The following MZF1 variants were observed in gnomAD, a reference collection of about 807,000 sequenced individuals.
MZF1 encodes zinc finger and SCAN domain-containing protein 6.
MZF1 carries 24 observed loss-of-function variants against 28.6 expected under a neutral mutation model. The observed-to-expected ratio is 0.84, with a 90% CI of 0.61 to 1.18. The LOEUF is 1.18. Among genes scored for constraint, MZF1 ranks in the 50% most tolerant of loss-of-function variants. MZF1 has a pLI of 0.00. For synonymous variants in MZF1, 516 were observed against 432.5 expected (o/e 1.19, Z -2.40); for missense variants, 1,166 against 1,026.4 (o/e 1.14, Z -1.86).
chr19:58,562,819 C>A lies in MZF1; in HGVS notation c.1458G>T (p.Pro486=). ...CGAAGCTCTCGCGGCACTCGCTGCACGGAAAGGGGCCGGGAGGCTCGGGCG... is the reference window on the plus strand; with the variant it reads ...CGAAGCTCTCGCGGCACTCGCTGCAAGGAAAGGGGCCGGGAGGCTCGGGCG... ...PGAPEPPGPF[P]CSECRESFAR... Residue 486 remains proline, a synonymous_variant, in exon 6 of 6, where the codon CCG becomes CCT. Coordinates refer to ENST00000215057, the MANE Select transcript of MZF1 (RefSeq NM_198055.2). The A allele has an allele frequency of 6.5e-7, 1 of 1,535,488 alleles. No individual in the cohort carries two copies. Among genetic ancestry groups the A allele is most frequent in the African/African-American group, 1.4e-5 (1 of 73,068 alleles).
At chr19:58,563,663 C>T in intron 5 of MZF1, 159 bp from the exon 6 acceptor site, 1 of 601,884 alleles carries the variant, frequency 1.7e-6, no homozygotes, top group Non-Finnish European at 2.9e-6. Flanking sequence ...TCTGTACAGA[C>T]TTCCCTGATG....
Position 58,562,971 on chromosome 19 carries a change from C to T in MZF1, c.1306G>A (p.Gly436Ser). The change falls in exon 6 of 6, where the codon GGC becomes AGC. Residue 436 changes from glycine (G) to serine (S), a missense_variant. By Grantham distance (56) the Gly-to-Ser change is moderately conservative (BLOSUM62 0). Transcript: ENST00000215057. ...RLEEHRRVHTGEQPFRCAECG... is the reference protein window; with the variant it reads ...RLEEHRRVHTSEQPFRCAECG... ...TCAGCGCAACGGAAAGGCTGTTCGC[C>T]CGTGTGCACTCTCCGATGCTCTTCC... The T allele has an allele frequency of 3.7e-6, 6 of 1,601,670 alleles. No homozygotes were observed. The highest frequency in any genetic ancestry group is 3.3e-5 in the South Asian group (3 of 91,018).
chr19:58,565,327 C>A (rs942017924), intron 5 of MZF1, among the ~76,000 whole-genome samples: 1 of 148,040 alleles, frequency 6.8e-6, no homozygotes, highest in Non-Finnish European at 1.5e-5. Flanking sequence ...CTCCCGACCT[C>A]AGGTGATCTG....
At chr19:58,570,161 T>G in intron 3 of MZF1, 183 bp downstream of exon 3, 1 of 599,352 alleles carries the variant, frequency 1.7e-6, no homozygotes, top group South Asian at 2.2e-5. Flanking sequence ...GTGTGAGGGG[T>G]AGTGACAGCA....
In MZF1 at chr19:58,571,272, G is replaced by A. The variant is rs11557617; in HGVS notation, c.118C>T (p.Pro40Ser). The A allele has an allele frequency of 2.1e-3, 3,442 of 1,613,564 alleles. 92 individuals are homozygous for A. The East Asian group carries it at 0.058, about 27-fold the overall frequency. ...CGGAAACGCAGGCGTGCAGCTTCAG[G>A]GCCTGGGTCCCATAAGGCAGCCTCA... ...EGEAALWDPG[P>S]EAARLRFRCF... The change falls in exon 2 of 6, where the codon CCT (proline) becomes TCT (serine). Residue 40 changes from proline (P) to serine (S), a missense_variant. Physicochemically the swap from Pro to Ser is moderately conservative, Grantham distance 74 (BLOSUM62 -1). Transcript: ENST00000215057.
Position 58,562,923 on chromosome 19 carries a change from G to A in MZF1, c.1354C>T (p.Arg452Cys). Residue 452 changes from arginine to cysteine, a missense_variant, in exon 6 of 6, where the codon CGC becomes TGC. Coordinates refer to ENST00000215057, the MANE Select transcript of MZF1 (RefSeq NM_198055.2). ...CAECGQSFRQ[R>C]SNLLQHQRIH... ...CGCTGGTGCTGCAGCAGATTGGAGC[G>A]CTGCCGGAAGCTCTGGCCGCACTCA... is the stretch of plus-strand genomic sequence containing the variant. The A allele has an allele frequency of 6.3e-7, 1 of 1,593,460 alleles. No individual in the cohort carries two copies.
chr19:58,570,304 C>T (rs750146535), intron 3 of MZF1, 40 bp downstream of exon 3: 2 of 1,548,000 alleles, frequency 1.3e-6, no homozygotes, highest in Non-Finnish European at 1.7e-6. Context: ...CCTGGCCCAC[C>T]CAACCAGACC....
rs1440922880 is a variant in MZF1 at position 58,570,998 on chromosome 19, C to T, written c.392G>A (p.Arg131Lys). The T allele has an allele frequency of 6.9e-6, 11 of 1,604,086 alleles. No individual in the cohort carries two copies. Among genetic ancestry groups the T allele is most frequent in the Non-Finnish European group, 9.4e-6 (11 of 1,174,350 alleles). ...GLRREPGGPR[R>K]WVTVQVQGQE... ...CACTCGTGGACACTCACTCACCCAT[C>T]TCCGGGGTCCGCCCGGCTCCCGGCG... is the stretch of plus-strand genomic sequence containing the variant. The change falls in exon 2 of 6, where the codon AGA becomes AAA. Residue 131 changes from arginine to lysine, a missense_variant. Coordinates refer to ENST00000215057, the MANE Select transcript of MZF1 (RefSeq NM_198055.2).
rs1192410661 is a variant in MZF1, at chr19:58,569,698, T to C, written c.581-112A>G. On this transcript the variant is annotated intron_variant, in intron 3 of 5. Transcript: ENST00000215057. ...AGAGGTGGGATTCTTGGTTGTGGGC[T>C]TGGGTTGGGGAGGGCAGTGCAGGGT... The C allele has an allele frequency of 4.1e-6, 4 of 986,902 alleles. No individual in the cohort carries two copies. The Admixed American group carries it at 8.0e-5, about 20-fold the overall frequency. The allele number at this position is 986,902 out of a possible 1,614,324, so 61.1% of individuals were successfully genotyped here.
Position 58,563,132 on chromosome 19 carries a change from C to T in MZF1, c.1145G>A (p.Arg382Gln). 2 of 1,608,376 alleles carry T rather than the reference C, an allele frequency of 1.2e-6. No individual in the cohort carries two copies. The highest frequency in any genetic ancestry group is 1.7e-4 in the Middle Eastern group (1 of 6,002). Residue 382 changes from arginine to glutamine, a missense_variant, in exon 6 of 6, where the codon CGA (arginine) becomes CAA (glutamine). Physicochemically the swap from Arg to Gln is conservative, Grantham distance 43 (BLOSUM62 1). Transcript: ENST00000215057. ...GCCGCACTCGCTGCACACGAATGGT[C>T]GCTCACCCGTGTGGATCTTCTGGTG... ...LRHQKIHTGE[R>Q]PFVCSECGRS...
intron 5 of MZF1, among the ~76,000 whole-genome samples, chr19:58,565,595 C>T (rs1057226166): frequency 1.3e-5 from 2 of 151,490 alleles, no homozygotes; most frequent in African/African-American, 2.4e-5. Flanking sequence ...TGTAGTGGCG[C>T]CATCTCAGCT....
Position 58,562,490 on chromosome 19 carries a change from G to C in MZF1, c.1787C>G (p.Pro596Arg), listed in dbSNP as rs551259916. The stretch of plus-strand genomic sequence containing the variant: ...CTGGCCACACTCGGGGCAGGCAAAG[G>C]GTTTCTCGCCCGTGTGTACGCGGAG... ...QHLRVHTGEK[P>R]FACPECGQRF... The change falls in exon 6 of 6, where the codon CCC becomes CGC. Residue 596 changes from proline (P) to arginine (R), a missense_variant. Coordinates refer to ENST00000215057, the MANE Select transcript of MZF1 (RefSeq NM_198055.2). 4 of 1,610,808 alleles carry C rather than the reference G, an allele frequency of 2.5e-6. No homozygotes were observed. Among genetic ancestry groups the C allele is most frequent in the East Asian group, 4.5e-5 (2 of 44,758 alleles).
rs139440011 is a variant in MZF1 at position 58,567,023 on chromosome 19, C to G, written c.772+2254G>C. 2.0e-3 allele frequency among the ~76,000 whole-genome samples: 300 copies of G among 152,186 alleles called. 1 individual carries two copies. Among genetic ancestry groups the G allele is most frequent in the African/African-American group, 6.8e-3 (282 of 41,504 alleles). ...GCTTGGGTGATTCTCCCACCTCAGCCTCCCAAGTAGCTGGGACTACAAGTA... is the reference window on the plus strand; with the variant it reads ...GCTTGGGTGATTCTCCCACCTCAGCGTCCCAAGTAGCTGGGACTACAAGTA... On this transcript the variant is annotated intron_variant, in intron 5 of 5. Coordinates refer to ENST00000215057, the MANE Select transcript of MZF1 (RefSeq NM_198055.2).
chr19:58,563,045 G>A lies in MZF1; in HGVS notation c.1232C>T (p.Pro411Leu). 1 of 1,602,408 alleles carries A rather than the reference G, an allele frequency of 6.2e-7. No individual in the cohort carries two copies. Among genetic ancestry groups the A allele is most frequent in the East Asian group, 2.2e-5 (1 of 44,856 alleles). ...RHQLTHTEER[P>L]FVCGDCGQGF... ...CTGGCCACAGTCGCCGCACACGAACGGCCGCTCCTCGGTGTGCGTAAGCTG... is the reference window on the plus strand; with the variant it reads ...CTGGCCACAGTCGCCGCACACGAACAGCCGCTCCTCGGTGTGCGTAAGCTG... Residue 411 changes from proline (P) to leucine (L), a missense_variant, in exon 6 of 6, where the codon CCG becomes CTG. Physicochemically the swap from Pro to Leu is moderately conservative, Grantham distance 98. Coordinates refer to ENST00000215057, the MANE Select transcript of MZF1 (RefSeq NM_198055.2).
At chr19:58,564,029 C>T (rs1198550733) in intron 5 of MZF1, 1 of 152,488 alleles carries the variant, frequency 6.6e-6, no homozygotes, top group African/African-American at 2.4e-5. Flanking sequence ...GAACCCGGGC[C>T]TGCAAGTGAT....
At chr19:58,566,327 A>C (rs939668244) in intron 5 of MZF1, among the ~76,000 whole-genome samples, 1 of 151,740 alleles carries the variant, frequency 6.6e-6, no homozygotes, top group Non-Finnish European at 1.5e-5. Flanking sequence ...GCATGACTGT[A>C]ATCTCAGCTA....
In MZF1 at chr19:58,563,442, C is replaced by T. The variant is rs773932356; in HGVS notation, c.835G>A (p.Val279Ile). The T allele has an allele frequency of 4.4e-6, 7 of 1,585,858 alleles. No individual in the cohort carries two copies. The highest frequency in any genetic ancestry group is 3.6e-5 in the Admixed American group (2 of 55,658). Reference protein sequence around the residue: ...GPGSVSPHLHVPWDLGMAGLS... With the variant: ...GPGSVSPHLHIPWDLGMAGLS... ...CCAGCCATGCCGAGGTCCCAGGGGACGTGGAGGTGAGGGCTTACACTACCT... is the reference window on the plus strand; with the variant it reads ...CCAGCCATGCCGAGGTCCCAGGGGATGTGGAGGTGAGGGCTTACACTACCT... The change falls in exon 6 of 6, where the codon GTC becomes ATC. Residue 279 changes from valine to isoleucine, a missense_variant. Physicochemically the swap from Val to Ile is conservative, Grantham distance 29. Transcript: ENST00000215057.
chr19:58,571,489 A>C (rs866685118), intron 1 of MZF1, 60 bp from the exon 2 acceptor site: 15 of 1,435,082 alleles, frequency 1.0e-5, no homozygotes, highest in Admixed American at 6.4e-5. Context: ...TTCACTGCCT[A>C]GTCTATGCTG....
At position 58,562,378 on chromosome 19, in the gene MZF1, G is replaced by T. The variant is rs747382469; in HGVS notation, c.1899C>A (p.Gly633=). Reference sequence around the variant, plus strand: ...CGGTGAGCCGCGAGACCTGCGTGAAGCCCAGGCCGCACTCACCGCAGTGGT... The same window carrying T: ...CGGTGAGCCGCGAGACCTGCGTGAATCCCAGGCCGCACTCACCGCAGTGGT... The part of the protein sequence containing the change: ...KPYHCGECGL[G]FTQVSRLTEH... Residue 633 remains glycine, a synonymous_variant, in exon 6 of 6, where the codon GGC becomes GGA. Transcript: ENST00000215057. The T allele has an allele frequency of 1.9e-6, 3 of 1,609,442 alleles. No homozygotes were observed. Among genetic ancestry groups the T allele is most frequent in the South Asian group, 2.2e-5 (2 of 90,764 alleles).
Sources: allele counts gnomAD v4.1 joint callset (sites outside exome capture counted in the v4.1 genomes callset), GRCh38; gene constraint gnomAD v4.1.1; transcripts MANE v1.5; gene names NCBI Gene and HGNC (gene_info 2026-07-23, HGNC 2026-07-21).